HPCAL1: variants seen among roughly 807,000 people sequenced by gnomAD.
HPCAL1 encodes the protein hippocalcin-like protein 1.
In HPCAL1, 8 loss-of-function variants were observed where a neutral mutation model predicts 17.1. The ratio of observed to expected loss-of-function variants is 0.47; its 90% CI spans 0.27 to 0.84. The LOEUF (loss-of-function observed/expected upper bound fraction) is 0.84, where lower values mean the gene tolerates loss of function less well. HPCAL1 is among the 40% of genes least tolerant of loss of function. The pLI, the probability that HPCAL1 is intolerant of heterozygous loss-of-function variation, is 0.13. For missense variants in HPCAL1, 165 were observed against 271.1 expected (o/e 0.61, Z 2.75); for synonymous variants, 112 against 111.4 (o/e 1.01, Z -0.03).
Position 10,342,989 on chromosome 2 carries a change from T to G in HPCAL1, c.-111+39812T>G, listed in dbSNP as rs912342221. ...TGGTTTGAAGCTTCTGTCTTCTGTG[T>G]GGGATATCAGTGCCCTGCCAGCTGT... On this transcript the variant is annotated intron_variant, in intron 1 of 4. Coordinates refer to ENST00000307845, the MANE Select transcript of HPCAL1 (RefSeq NM_002149.4). The surrounding 1 kb of genome is among the most constrained non-coding windows in gnomAD (Gnocchi z 4.1). 6.6e-6 allele frequency among the ~76,000 whole-genome samples: 1 copy of G among 152,180 alleles called. No homozygotes were observed. Among genetic ancestry groups the G allele is most frequent in the Non-Finnish European group, 1.5e-5 (1 of 68,022 alleles).
intron 1 of HPCAL1, among the ~76,000 whole-genome samples, chr2:10,388,981 C>A (rs1156897511): frequency 1.3e-5 from 2 of 152,228 alleles, no homozygotes; most frequent in East Asian, 3.9e-4. Flanking sequence ...GTCTACCAGG[C>A]AAGTATATAA....
At chr2:10,409,692 C>T (rs564615481) in intron 2 of HPCAL1, among the ~76,000 whole-genome samples, 1 of 151,396 alleles carries the variant, frequency 6.6e-6, no homozygotes, top group South Asian at 2.1e-4. Context: ...AGAACAAGCT[C>T]TCATCTCAAA....
chr2:10,397,608 G>A lies in HPCAL1; in HGVS notation c.-25+688G>A, dbSNP rs116517442. On this transcript the variant is annotated intron_variant, in intron 2 of 4. Coordinates refer to ENST00000307845, the MANE Select transcript of HPCAL1 (RefSeq NM_002149.4). ...CACCACCCTGGCCTGGCCACTGGTC[G>A]CCTCTCCCCCAGTGTTAGCCTGGCT... 4.2e-3 allele frequency among the ~76,000 whole-genome samples: 638 copies of A among 152,280 alleles called. 7 individuals are homozygous for A. Among genetic ancestry groups the A allele is most frequent in the African/African-American group, 0.015 (609 of 41,550 alleles).
intron 2 of HPCAL1, among the ~76,000 whole-genome samples, chr2:10,415,813 CT>C (rs1670629513): frequency 6.6e-6 from 1 of 152,248 alleles, no homozygotes; most frequent in Non-Finnish European, 1.5e-5. Flanking sequence ...TGCCTTTCCC[CT>C]GTGCCCCGGA....
chr2:10,421,176 T>C (rs1273184794), intron 3 of HPCAL1, among the ~76,000 whole-genome samples: 1 of 152,214 alleles, frequency 6.6e-6, no homozygotes, highest in Non-Finnish European at 1.5e-5. Flanking sequence ...GAATGCGCAG[T>C]CATCAAGTAA....
At chr2:10,399,748 G>A (rs539181826) in intron 2 of HPCAL1, among the ~76,000 whole-genome samples, 47 of 152,226 alleles carry the variant, frequency 3.1e-4, no homozygotes, top group Admixed American at 2.4e-3. Flanking sequence ...ACAGCAGGCC[G>A]CTCCCCGGGC....
chr2:10,305,153 G>T (rs770964759), intron 1 of HPCAL1, among the ~76,000 whole-genome samples: 3 of 151,934 alleles, frequency 2.0e-5, no homozygotes, highest in Non-Finnish European at 2.9e-5. Flanking sequence ...TTCATCAAAT[G>T]ATTTTATGTC....
intron 1 of HPCAL1, among the ~76,000 whole-genome samples, chr2:10,321,574 T>G (rs1450117477): frequency 6.6e-6 from 1 of 152,150 alleles, no homozygotes; most frequent in Non-Finnish European, 1.5e-5. Context: ...TTTCAGAACA[T>G]TTTCATCACC....
At chr2:10,403,866 G>T (rs1366355431) in intron 2 of HPCAL1, among the ~76,000 whole-genome samples, 1 of 151,920 alleles carries the variant, frequency 6.6e-6, no homozygotes, top group African/African-American at 2.4e-5. Flanking sequence ...AATTTTTCAG[G>T]TATTTTTTTG....
At chr2:10,385,044 C>G (rs148486048) in intron 1 of HPCAL1, among the ~76,000 whole-genome samples, 1 of 150,960 alleles carries the variant, frequency 6.6e-6, no homozygotes, top group Middle Eastern at 3.2e-3. Context: ...CACTTGAACC[C>G]GGGAGGTGAA....
At chr2:10,348,016 T>C (rs1665579724) in intron 1 of HPCAL1, among the ~76,000 whole-genome samples, 1 of 152,212 alleles carries the variant, frequency 6.6e-6, no homozygotes, top group Non-Finnish European at 1.5e-5. Context: ...AGTGATTAGA[T>C]ACCTACTGTA....
chr2:10,347,784 G>A (rs546175267), intron 1 of HPCAL1, among the ~76,000 whole-genome samples: 2 of 152,240 alleles, frequency 1.3e-5, no homozygotes, highest in South Asian at 2.1e-4. Flanking sequence ...GGGCCAAATC[G>A]GTTTAATGTT....
chr2:10,355,810 A>G (rs376814299), intron 1 of HPCAL1, among the ~76,000 whole-genome samples: 38 of 151,832 alleles, frequency 2.5e-4, no homozygotes, highest in African/African-American at 9.2e-4. Flanking sequence ...TAGCCTTGTG[A>G]AGGTTTCTTT....
At chr2:10,305,463 C>T (rs952248470) in intron 1 of HPCAL1, among the ~76,000 whole-genome samples, 2 of 152,140 alleles carry the variant, frequency 1.3e-5, no homozygotes, top group Non-Finnish European at 2.9e-5. Flanking sequence ...CCCTGCCTCT[C>T]CCTTGCGGTG....
chr2:10,360,114 C>A (rs991956633), intron 1 of HPCAL1, among the ~76,000 whole-genome samples: 1 of 152,212 alleles, frequency 6.6e-6, no homozygotes, highest in Non-Finnish European at 1.5e-5. Context: ...GGACCCATGT[C>A]CTCATTCCCC....
At chr2:10,340,110 G>C (rs1265068544) in intron 1 of HPCAL1, among the ~76,000 whole-genome samples, 1 of 152,208 alleles carries the variant, frequency 6.6e-6, no homozygotes, top group African/African-American at 2.4e-5. Flanking sequence ...GGTGGGGTGT[G>C]CCTGCACCGC....
chr2:10,407,172 C>A (rs1319223040), intron 2 of HPCAL1, among the ~76,000 whole-genome samples: 2 of 152,142 alleles, frequency 1.3e-5, no homozygotes, highest in Non-Finnish European at 2.9e-5. Flanking sequence ...TAAATGGACA[C>A]CCCCAAGTCT....
At position 10,359,896 on chromosome 2, in the gene HPCAL1, TGCCCGCCGGGTCCACAGC is replaced by T. The variant is rs565648452; in HGVS notation, c.-110-36898_-110-36881del. On this transcript the variant is annotated intron_variant, in intron 1 of 4. Transcript: ENST00000307845. This position sits in a 1 kb window ranked among gnomAD's most constrained non-coding sequence, Gnocchi z 4.1. ...ACCTGCCTCCTGCCTCCTTCCACAG[TGCCCGCCGGGTCCACAGC>T]GCCCGCCGGGTCCACAGCGCCCGCC... Among the ~76,000 whole-genome samples the T allele has an allele frequency of 7.5e-3, 1,119 of 149,680 alleles. 10 individuals carry two copies. Among genetic ancestry groups the T allele is most frequent in the African/African-American group, 0.021 (846 of 39,682 alleles).
At chr2:10,349,923 G>A (rs970556608) in intron 1 of HPCAL1, among the ~76,000 whole-genome samples, 18 of 151,912 alleles carry the variant, frequency 1.2e-4, no homozygotes, top group South Asian at 8.3e-4. Flanking sequence ...GAGATTCTCA[G>A]TTTCTGTTTC....
Sources: allele counts gnomAD v4.1 joint callset (sites outside exome capture counted in the v4.1 genomes callset), GRCh38; gene constraint gnomAD v4.1.1; non-coding constraint Gnocchi (gnomAD v3.1); transcripts MANE v1.5; gene names NCBI Gene and HGNC (gene_info 2026-07-23, HGNC 2026-07-21).